Variants in DGKZ observed in about 807,000 individuals in gnomAD.
DGKZ encodes diacylglycerol kinase zeta.
DGKZ carries 45 observed loss-of-function variants against 142.5 expected under a neutral mutation model. The ratio of observed to expected loss-of-function variants is 0.32; its 90% CI spans 0.25 to 0.40. DGKZ has a LOEUF of 0.40. DGKZ is among the 10% of genes least tolerant of loss of function. DGKZ has a pLI of 1.00. For missense variants in DGKZ, 755 were observed against 1,306.5 expected (o/e 0.58, Z 6.51); for synonymous variants, 442 against 527.0 (o/e 0.84, Z 2.21).
In DGKZ at chr11:46,347,545, A is replaced by C; in HGVS notation, c.-115A>C. The C allele has an allele frequency of 2.0e-6, 2 of 987,096 alleles. No individual in the cohort carries two copies. The highest frequency in any genetic ancestry group is 2.4e-6 in the Non-Finnish European group (2 of 832,960). 61.1% of individuals were successfully genotyped at this position (987,096 alleles called of 1,614,324 possible). ...GGGGCGCGCGGCGCGGGGCGGGCGGAGCGAGCGCGCGCCATGGAGGTGGCG... is the reference window on the plus strand; with the variant it reads ...GGGGCGCGCGGCGCGGGGCGGGCGGCGCGAGCGCGCGCCATGGAGGTGGCG... On this transcript the variant is annotated 5_prime_UTR_variant, in exon 1 of 31. Transcript: ENST00000527911. The surrounding 1 kb of genome is among the most constrained non-coding windows in gnomAD (Gnocchi z 6.4).
Position 46,367,514 on chromosome 11 carries a change from A to G in DGKZ, c.270+115A>G. On this transcript the variant is annotated intron_variant, in intron 2 of 30. Transcript: ENST00000527911. The surrounding 1 kb of genome is among the most constrained non-coding windows in gnomAD (Gnocchi z 4.1). ...GAGCCAAGCCTGGAAGGGTTGGGACAGTGGGGCAGACGGAACAGAGCAGGG... is the reference window on the plus strand; with the variant it reads ...GAGCCAAGCCTGGAAGGGTTGGGACGGTGGGGCAGACGGAACAGAGCAGGG... 5 of 1,247,448 alleles carry G rather than the reference A, an allele frequency of 4.0e-6. No individual in the cohort carries two copies. The highest frequency in any genetic ancestry group is 5.4e-6 in the Non-Finnish European group (5 of 926,714). 77.3% of individuals were successfully genotyped at this position (1,247,448 alleles called of 1,614,324 possible).
Position 46,371,212 on chromosome 11 carries a change from C to T in DGKZ, c.571-101C>T, listed in dbSNP as rs754859265. 147 of 1,152,206 alleles carry T rather than the reference C, an allele frequency of 1.3e-4. 2 individuals are homozygous for T. Among genetic ancestry groups the T allele is most frequent in the South Asian group, 1.0e-3 (76 of 72,820 alleles). The allele number at this position is 1,152,206 out of a possible 1,614,324, so 71.4% of individuals were successfully genotyped here. A position where few individuals can be genotyped will look rare whatever the true frequency, so the allele number is the denominator to read the frequency against. On this transcript the variant is annotated intron_variant, in intron 6 of 30. Coordinates refer to ENST00000527911, the Ensembl canonical transcript of DGKZ. Reference sequence around the variant, plus strand: ...TTTGAGACCAGCCTGGGCAACATAGCGAGGCCCTGTCTCTGGGTGGAGAGA... The same window carrying T: ...TTTGAGACCAGCCTGGGCAACATAGTGAGGCCCTGTCTCTGGGTGGAGAGA...
chr11:46,374,930 G>T lies in DGKZ; in HGVS notation c.1599-4G>T. On this transcript the variant is annotated splice_polypyrimidine_tract_variant and splice_region_variant and intron_variant, in intron 18 of 30. Coordinates refer to ENST00000527911, the Ensembl canonical transcript of DGKZ. ...GAGGCCCATGTCATCGCCCGCCTTT[G>T]CAGGTACTGTGCGGGCACCATGCCC... 6.4e-7 allele frequency: 1 copy of T among 1,566,134 alleles called. No homozygotes were observed. Among genetic ancestry groups the T allele is most frequent in the Non-Finnish European group, 8.7e-7 (1 of 1,146,510 alleles).
Position 46,379,825 on chromosome 11 carries a change from C to T in DGKZ, c.2689-6C>T, listed in dbSNP as rs769322848. On this transcript the variant is annotated splice_region_variant and splice_polypyrimidine_tract_variant and intron_variant, in intron 30 of 30. Transcript: ENST00000527911. ...CCCTGCTGATCGCAGCTCCGCCCTCCTCCAGGGCGACACTCCCCGGCAGCG... is the reference window on the plus strand; with the variant it reads ...CCCTGCTGATCGCAGCTCCGCCCTCTTCCAGGGCGACACTCCCCGGCAGCG... The T allele has an allele frequency of 3.1e-6, 5 of 1,607,412 alleles. No homozygotes were observed. The highest frequency in any genetic ancestry group is 2.2e-5 in the South Asian group (2 of 90,202).
chr11:46,377,360 G>T, intron 25 of DGKZ, 148 bp downstream of exon 25: 1 of 1,393,074 alleles, frequency 7.2e-7, no homozygotes, highest in Non-Finnish European at 9.4e-7. Flanking sequence ...ACGGCCTTCA[G>T]CCCTGTGGTT....
intron 1 of DGKZ, among the ~76,000 whole-genome samples, chr11:46,338,085 A>G (rs775643336): frequency 5.3e-5 from 8 of 152,256 alleles, no homozygotes; most frequent in Non-Finnish European, 1.2e-4. Context: ...ACAACGTGTA[A>G]GTGAAGAAGC....
chr11:46,342,857 C>CCT (rs1288444066), upstream of DGKZ, among the ~76,000 whole-genome samples: 2 of 152,176 alleles, frequency 1.3e-5, no homozygotes, highest in Non-Finnish European at 2.9e-5. Flanking sequence ...GGTGCGGTGG[C>CCT]TCATGCCTGT....
At chr11:46,369,140 C>T in intron 4 of DGKZ, 1 of 345,242 alleles carries the variant, frequency 2.9e-6, no homozygotes, top group Non-Finnish European at 5.6e-6. Flanking sequence ...CGCACCACTG[C>T]ACTCCAGCCT....
chr11:46,379,809 T>G, intron 30 of DGKZ, 22 bp from the exon 31 acceptor site: 1 of 1,595,084 alleles, frequency 6.3e-7, no homozygotes, highest in South Asian at 1.1e-5. Flanking sequence ...CCCCTGCTGA[T>G]CGCAGCTCCG....
chr11:46,350,503 C>T (rs1941237380), intron 1 of DGKZ, among the ~76,000 whole-genome samples: 2 of 151,674 alleles, frequency 1.3e-5, no homozygotes, highest in Admixed American at 6.6e-5. Context: ...CCCGCCCCCT[C>T]CCCACCCCAC....
intron 25 of DGKZ, 104 bp from the exon 26 acceptor site, chr11:46,378,094 T>G: frequency 7.0e-7 from 1 of 1,423,754 alleles, no homozygotes; most frequent in Non-Finnish European, 9.6e-7. Context: ...TAGCAGGCAC[T>G]CAATAAACTG....
chr11:46,350,619 C>G lies in DGKZ; in HGVS notation c.161+2799C>G, dbSNP rs577781069. Among the ~76,000 whole-genome samples, 20 of 152,226 alleles carry G rather than the reference C, an allele frequency of 1.3e-4. No individual in the cohort carries two copies. The East Asian group carries it at 3.3e-3, about 25-fold the overall frequency. ...GAAGCCAGGTGGAGAATTCTGCATGCGGGCCCTGGCTCATGGGGAGAGTTC... is the reference window on the plus strand; with the variant it reads ...GAAGCCAGGTGGAGAATTCTGCATGGGGGCCCTGGCTCATGGGGAGAGTTC... On this transcript the variant is annotated intron_variant, in intron 1 of 30. Coordinates refer to ENST00000527911, the Ensembl canonical transcript of DGKZ.
At chr11:46,376,287 C>T in intron 22 of DGKZ, 41 bp from the exon 23 acceptor site, 5 of 1,612,582 alleles carry the variant, frequency 3.1e-6, no homozygotes, top group Non-Finnish European at 4.2e-6. Flanking sequence ...CCCTCCCTGG[C>T]CCCCACTCTA....
At position 46,338,373 on chromosome 11, in the gene DGKZ, G is replaced by A. The variant is rs185563947; in HGVS notation, c.212+4886G>A. Among the ~76,000 whole-genome samples the A allele has an allele frequency of 1.0e-3, 158 of 151,854 alleles. 1 individual carries two copies. The highest frequency in any genetic ancestry group is 3.8e-3 in the African/African-American group (157 of 41,390). ...TAGCCAGGCGTGATGGTGGGTGCCT[G>A]TTACCCAAGATACTCGGGAGGCTGA... On this transcript the variant is annotated intron_variant, in intron 1 of 30. Coordinates refer to the DGKZ transcript ENST00000343674.
intron 24 of DGKZ, 23 bp downstream of exon 24, chr11:46,376,587 C>T (rs768672644): frequency 1.1e-5 from 17 of 1,612,954 alleles, no homozygotes; most frequent in East Asian, 2.2e-5. Context: ...AGGCCTGCTC[C>T]AGCCACAGCT....
chr11:46,339,986 GCC>G (rs1940198130), intron 1 of DGKZ, among the ~76,000 whole-genome samples: 1 of 152,214 alleles, frequency 6.6e-6, no homozygotes, highest in Admixed American at 6.5e-5. Context: ...GCCTATAGAT[GCC>G]TGGAAAAGGC....
In DGKZ at chr11:46,365,338, C is replaced by A. The variant is rs974683154; in HGVS notation, c.162-1953C>A. ...GGTTTCCCGGCATCACCCAGCTTCA[C>A]CCTGGGGTATCCGTACTTTGTCCCT... On this transcript the variant is annotated intron_variant, in intron 1 of 30. Transcript: ENST00000527911. 3 of 985,314 alleles carry A rather than the reference C, an allele frequency of 3.0e-6. No individual in the cohort carries two copies. In the African/African-American group the frequency reaches 5.2e-5, roughly 17 times the overall value. The allele number at this position is 985,314 out of a possible 1,614,324, so 61.0% of individuals were successfully genotyped here. A position where few individuals can be genotyped will look rare whatever the true frequency, so the allele number is the denominator to read the frequency against.
At chr11:46,378,139 G>T in intron 25 of DGKZ, 59 bp from the exon 26 acceptor site, 1 of 1,577,458 alleles carries the variant, frequency 6.3e-7, no homozygotes, top group East Asian at 2.3e-5. Flanking sequence ...TTGGGGTTGG[G>T]GAGGGCGACC....
rs559236177 is a variant in DGKZ, at chr11:46,337,455, C to T, written c.212+3968C>T. 2.3e-4 allele frequency among the ~76,000 whole-genome samples: 35 copies of T among 151,990 alleles called. No homozygotes were observed. The East Asian group carries it at 3.1e-3, about 13-fold the overall frequency. Reference sequence around the variant, plus strand: ...GGACTACAGGCGCCCACCACCACGCCGGGCTAATTTTTGTATTTTTAGTAG... The same window carrying T: ...GGACTACAGGCGCCCACCACCACGCTGGGCTAATTTTTGTATTTTTAGTAG... On this transcript the variant is annotated intron_variant, in intron 1 of 30. Transcript: ENST00000343674.
Sources: gnomAD v4.1 joint callset for allele counts (sites outside exome capture counted in the v4.1 genomes callset) on GRCh38, gnomAD v4.1.1 for gene constraint, Gnocchi (gnomAD v3.1) non-coding constraint, MANE v1.5 for transcripts, NCBI Gene and HGNC (gene_info 2026-07-23, HGNC 2026-07-21) for gene names.